Variants in RFFL observed in about 807,000 individuals in gnomAD.
The protein encoded by RFFL is E3 ubiquitin-protein ligase rififylin.
RFFL carries 16 observed loss-of-function variants against 40.4 expected under a neutral mutation model. The observed-to-expected ratio is 0.40, with a 90% CI of 0.27 to 0.60. RFFL has a LOEUF of 0.60. Among genes scored for constraint, RFFL ranks in the 20% least tolerant of loss-of-function variants. RFFL has a pLI of 0.47. For synonymous variants in RFFL, 154 were observed against 167.9 expected, an observed-to-expected ratio of 0.92 and a Z score of 0.64; for missense variants, 367 against 451.7, an observed-to-expected ratio of 0.81 and a Z score of 1.70.
chr17:35,038,715 T>A (rs1054554714), intron 1 of RFFL, among the ~76,000 whole-genome samples: 1 of 152,216 alleles, frequency 6.6e-6, no homozygotes, highest in Non-Finnish European at 1.5e-5. Context: ...AACTATGGTG[T>A]TCAAAATCAG....
At chr17:35,028,106 G>T (rs962792546) in intron 1 of RFFL, among the ~76,000 whole-genome samples, 1 of 151,706 alleles carries the variant, frequency 6.6e-6, no homozygotes, top group Admixed American at 6.6e-5. Context: ...AAGCCAAGGT[G>T]GGAAGATTGC....
chr17:35,024,049 A>G (rs1441622299), intron 2 of RFFL, among the ~76,000 whole-genome samples: 1 of 152,234 alleles, frequency 6.6e-6, no homozygotes, highest in African/African-American at 2.4e-5. Context: ...GTAACCAGGT[A>G]GCATGAAAGA....
intron 1 of RFFL, among the ~76,000 whole-genome samples, chr17:35,030,468 G>GT (rs1255026624): frequency 1.3e-5 from 2 of 152,018 alleles, no homozygotes; most frequent in East Asian, 1.9e-4. Flanking sequence ...TTTTGTGTGT[G>GT]TTTTTTGTAT....
At chr17:35,038,130 A>G (rs747515007) in intron 1 of RFFL, among the ~76,000 whole-genome samples, 25 of 152,250 alleles carry the variant, frequency 1.6e-4, no homozygotes, top group Non-Finnish European at 3.2e-4. Context: ...TCTACTAAAA[A>G]TACAAAAAAT....
intron 1 of RFFL, among the ~76,000 whole-genome samples, chr17:35,068,815 T>C (rs756895448): frequency 1.3e-5 from 2 of 152,096 alleles, no homozygotes; most frequent in Non-Finnish European, 2.9e-5. Flanking sequence ...AGAAAGGAAG[T>C]CAGCAAGAAG....
chr17:35,078,598 G>A (rs564612128), intron 1 of RFFL, among the ~76,000 whole-genome samples: 13 of 152,074 alleles, frequency 8.5e-5, no homozygotes, highest in East Asian at 3.9e-4. Context: ...CACCAGGCCC[G>A]GCCCAGAAAA....
chr17:35,037,739 G>A (rs759495893), intron 1 of RFFL, among the ~76,000 whole-genome samples: 19 of 152,146 alleles, frequency 1.2e-4, no homozygotes, highest in African/African-American at 3.9e-4. Flanking sequence ...ACCCTGAAGC[G>A]TACCCTCTTG....
chr17:35,025,865 C>T (rs2091037664), intron 2 of RFFL, among the ~76,000 whole-genome samples: 1 of 152,184 alleles, frequency 6.6e-6, no homozygotes. Flanking sequence ...AGTAAATAAG[C>T]TCCAGTCTTT....
chr17:35,029,540 A>C (rs946116035), intron 1 of RFFL, among the ~76,000 whole-genome samples: 4 of 107,088 alleles, frequency 3.7e-5, no homozygotes, highest in Non-Finnish European at 7.7e-5. Context: ...TTTTTTTTTG[A>C]GACGGAGTCT....
chr17:35,045,011 A>G (rs1318104180), intron 1 of RFFL, among the ~76,000 whole-genome samples: 2 of 152,110 alleles, frequency 1.3e-5, no homozygotes, highest in East Asian at 3.9e-4. Context: ...GATTGGAATT[A>G]CAGGTGTGAG....
At chr17:35,076,841 G>A (rs2091379713) in intron 1 of RFFL, 1 of 236,184 alleles carries the variant, frequency 4.2e-6, no homozygotes, top group Non-Finnish European at 8.7e-6. Flanking sequence ...GCTGCCAAGC[G>A]CAAGAGGAAG....
intron 1 of RFFL, among the ~76,000 whole-genome samples, chr17:35,040,429 C>T (rs890560758): frequency 3.3e-5 from 5 of 151,808 alleles, no homozygotes; most frequent in Non-Finnish European, 7.4e-5. Context: ...TGGTGAAACC[C>T]CGTCTCTACT....
At chr17:35,055,684 ACAAACAAAC>A (rs1567712231) in intron 1 of RFFL, among the ~76,000 whole-genome samples, 2,014 of 139,836 alleles carry the variant, frequency 0.014, 78 homozygotes, top group African/African-American at 0.059. Flanking sequence ...AAAAAAACAA[ACAAACAAAC>A]AAACAAAAAA....
chr17:35,089,198 G>C (rs1265161910), exon 1 of RFFL: 1 of 152,072 alleles, frequency 6.6e-6, no homozygotes, highest in African/African-American at 2.4e-5. Flanking sequence ...GGAGGCTGCG[G>C]ACTCCGCCGC....
At chr17:35,073,494 T>C (rs1433215923) in intron 1 of RFFL, among the ~76,000 whole-genome samples, 1 of 152,096 alleles carries the variant, frequency 6.6e-6, no homozygotes, top group Non-Finnish European at 1.5e-5. Context: ...GTGGGAGAGA[T>C]GGTGGAAAAA....
Position 35,011,436 on chromosome 17 carries a change from T to C in RFFL, c.*532A>G, listed in dbSNP as rs2090937495. On this transcript the variant is annotated 3_prime_UTR_variant, in exon 7 of 7. Transcript: ENST00000394597. ...GTCCTAAGGACCACTATCGGTCTGG[T>C]AAACTAACATTTTTGGTCCAAAGAA... is the stretch of plus-strand genomic sequence containing the variant. 1 of 154,164 alleles carries C rather than the reference T, an allele frequency of 6.5e-6. No individual in the cohort carries two copies. The highest frequency in any genetic ancestry group is 2.4e-5 in the African/African-American group (1 of 41,482). 9.5% of individuals were successfully genotyped at this position (154,164 alleles called of 1,614,324 possible). A position where few individuals can be genotyped will look rare whatever the true frequency, so the allele number is the denominator to read the frequency against.
chr17:35,061,444 A>AT (rs1286389591), intron 1 of RFFL, among the ~76,000 whole-genome samples: 1 of 152,128 alleles, frequency 6.6e-6, no homozygotes, highest in African/African-American at 2.4e-5. Context: ...CACACACAAA[A>AT]TTTTAAGCCC....
intron 1 of RFFL, among the ~76,000 whole-genome samples, chr17:35,079,659 CTG>C (rs2142385591): frequency 6.6e-6 from 1 of 152,286 alleles, no homozygotes; most frequent in East Asian, 1.9e-4. Flanking sequence ...TGGTCTCTAA[CTG>C]TGTCAACATT....
intron 1 of RFFL, among the ~76,000 whole-genome samples, chr17:35,036,106 C>T (rs577425719): frequency 6.6e-6 from 1 of 152,300 alleles, no homozygotes; most frequent in African/African-American, 2.4e-5. Context: ...ATAACAACTA[C>T]GTTCAGGGTT....
Sources: allele counts gnomAD v4.1 joint callset (sites outside exome capture counted in the v4.1 genomes callset), GRCh38; gene constraint gnomAD v4.1.1; transcripts MANE v1.5; gene names NCBI Gene and HGNC (gene_info 2026-07-23, HGNC 2026-07-21).